The following SEMA5B variants were observed in gnomAD, a reference collection of about 807,000 sequenced individuals.
SEMA5B encodes the protein semaphorin-5B.
In SEMA5B, 66 loss-of-function variants were observed where a neutral mutation model predicts 135.0. The observed-to-expected ratio is 0.49, with a 90% confidence interval of 0.40 to 0.60. The LOEUF (loss-of-function observed/expected upper bound fraction) is 0.60. Among genes scored for constraint, SEMA5B ranks in the 20% least tolerant of loss-of-function variants. The probability of loss-of-function intolerance (pLI) is 0.00; values close to 1 mark genes in which losing one functional copy is unlikely to be tolerated. For synonymous variants in SEMA5B, 690 were observed against 639.5 expected (o/e 1.08, Z -1.19); for missense variants, 1,501 against 1,566.3 (o/e 0.96, Z 0.70).
chr3:122,912,755 G>C, intron 18 of SEMA5B, 88 bp downstream of exon 18: 1 of 1,285,258 alleles, frequency 7.8e-7, no homozygotes, highest in Non-Finnish European at 1.1e-6. Flanking sequence ...CTGGGCATTG[G>C]GGTTCCTGGG....
At chr3:123,008,618 G>C (rs1013039959) in intron 1 of SEMA5B, among the ~76,000 whole-genome samples, 7 of 152,166 alleles carry the variant, frequency 4.6e-5, no homozygotes, top group African/African-American at 1.7e-4. Flanking sequence ...TTGAGAAGAT[G>C]TCAACAATGT....
chr3:123,012,409 A>G (rs1053823501), intron 1 of SEMA5B, among the ~76,000 whole-genome samples: 1 of 152,064 alleles, frequency 6.6e-6, no homozygotes, highest in African/African-American at 2.4e-5. Flanking sequence ...GCCAAGATTC[A>G]TCCTAGGTTA....
rs532685383 is a variant in SEMA5B, at chr3:122,918,699, C to T, written c.1689-2809G>A. ...GGATACCAGATTCTTCATGGACACG[C>T]CTGCCCTGCCCCTTCCCTGGCAGCC... On this transcript the variant is annotated intron_variant, in intron 12 of 22. Coordinates refer to ENST00000357599, the MANE Select transcript of SEMA5B (RefSeq NM_001031702.4). Among the ~76,000 whole-genome samples, 25 of 152,348 alleles carry T rather than the reference C, an allele frequency of 1.6e-4. No homozygotes were observed. In the South Asian group the frequency reaches 5.2e-3, roughly 32 times the overall value.
In SEMA5B at chr3:122,926,475, C is replaced by T; in HGVS notation, c.1053G>A (p.Glu351=). ...GCAGCTCGTTATAGTAGAAGGGGAC[C>T]TCGCCCGGGCGGGAGCAGTTGAGCC... ...KARLNCSRPG[E]VPFYYNELQS... The change falls in exon 9 of 23, where the codon GAG becomes GAA. Residue 351 remains glutamate, a synonymous_variant. Transcript: ENST00000357599. 1.2e-6 allele frequency: 2 copies of T among 1,614,230 alleles called. No homozygotes were observed. The highest frequency in any genetic ancestry group is 1.7e-6 in the Non-Finnish European group (2 of 1,180,044).
At chr3:122,960,033 C>G (rs892888036) in intron 2 of SEMA5B, among the ~76,000 whole-genome samples, 1 of 152,182 alleles carries the variant, frequency 6.6e-6, no homozygotes, top group Non-Finnish European at 1.5e-5. Context: ...TGGGCAGGCT[C>G]TCTCCGTGGA....
intron 17 of SEMA5B, 29 bp downstream of exon 17, chr3:122,913,170 G>C: frequency 6.6e-7 from 1 of 1,522,996 alleles, no homozygotes; most frequent in Non-Finnish European, 8.7e-7. Flanking sequence ...CTGGGAGAGA[G>C]GAAGGAGGGG....
chr3:123,003,309 A>G (rs938909500), intron 1 of SEMA5B, among the ~76,000 whole-genome samples: 1 of 152,180 alleles, frequency 6.6e-6, no homozygotes, highest in Admixed American at 6.5e-5. Flanking sequence ...GCACCCACAC[A>G]CTATTAGTTC....
rs768670697 is a variant in SEMA5B at position 122,927,956 on chromosome 3, G to A, written c.684C>T (p.Arg228=). Residue 228 remains arginine (R), a synonymous_variant, in exon 8 of 23, where the codon CGC becomes CGT. Coordinates refer to ENST00000357599, the MANE Select transcript of SEMA5B (RefSeq NM_001031702.4). ...AGTTGTGGCGTGGGTCATAGGGGCA[G>A]CGGGCCACACCATTGATCTTCTCAA... The part of the protein sequence containing the change: ...RTIEKINGVA[R]CPYDPRHNST... 1.3e-6 allele frequency: 2 copies of A among 1,567,378 alleles called. No individual in the cohort carries two copies. Among genetic ancestry groups the A allele is most frequent in the South Asian group, 2.4e-5 (2 of 83,706 alleles).
At chr3:122,952,281 T>C (rs1940089448) in intron 2 of SEMA5B, among the ~76,000 whole-genome samples, 1 of 152,202 alleles carries the variant, frequency 6.6e-6, no homozygotes, top group South Asian at 2.1e-4. Context: ...GGTTTCGCCG[T>C]GCTGTCCATC....
chr3:122,996,143 T>C (rs1205986632), intron 1 of SEMA5B, among the ~76,000 whole-genome samples: 1 of 152,200 alleles, frequency 6.6e-6, no homozygotes, highest in Non-Finnish European at 1.5e-5. Flanking sequence ...GGGCGAAGCC[T>C]AAGAGGGTCC....
intron 2 of SEMA5B, among the ~76,000 whole-genome samples, chr3:122,956,287 C>T (rs1329836087): frequency 6.6e-6 from 1 of 152,234 alleles, no homozygotes; most frequent in Non-Finnish European, 1.5e-5. Flanking sequence ...TTTGGGGTCA[C>T]TCTTATGGTG....
At chr3:122,985,550 C>T (rs1941671909) in intron 1 of SEMA5B, among the ~76,000 whole-genome samples, 1 of 151,916 alleles carries the variant, frequency 6.6e-6, no homozygotes, top group Non-Finnish European at 1.5e-5. Context: ...TCCCCAGCAA[C>T]TCCAGCTTCT....
chr3:122,915,485 C>G lies in SEMA5B; in HGVS notation c.1943G>C (p.Gly648Ala), dbSNP rs775180135. 6.2e-7 allele frequency: 1 copy of G among 1,613,510 alleles called. No homozygotes were observed. Among genetic ancestry groups the G allele is most frequent in the Non-Finnish European group, 8.5e-7 (1 of 1,179,808 alleles). The change falls in exon 14 of 23, where the codon GGC (glycine) becomes GCC (alanine). Residue 648 changes from glycine (G) to alanine (A), a missense_variant. Gly to Ala is a moderately conservative substitution (Grantham distance 60). Around this residue, in one of 2 missense-constraint regions of SEMA5B, gnomAD observed 927 missense variants for 881.6 expected, o/e 1.05. Coordinates refer to ENST00000357599, the MANE Select transcript of SEMA5B (RefSeq NM_001031702.4). ...GATGGCTGGCCCCAGGCAGTCAAGGCCCCCACAGCGGGGTCGAGGGGAATC... is the reference window on the plus strand; with the variant it reads ...GATGGCTGGCCCCAGGCAGTCAAGGGCCCCACAGCGGGGTCGAGGGGAATC... ...SCDSPRPRCG[G>A]LDCLGPAIHI...
intron 5 of SEMA5B, among the ~76,000 whole-genome samples, chr3:122,936,260 G>A (rs1157825855): frequency 6.6e-6 from 1 of 152,196 alleles, no homozygotes; most frequent in Non-Finnish European, 1.5e-5. Flanking sequence ...ACCCAGGGAC[G>A]TGGATCATCT....
chr3:123,027,888 G>C (rs1028827643), upstream of SEMA5B: 6 of 151,996 alleles, frequency 3.9e-5, no homozygotes, highest in African/African-American at 1.4e-4. Context: ...CGCGGCGGGC[G>C]CTGCACCCGC....
At chr3:122,999,426 T>G (rs1034071991) in intron 1 of SEMA5B, among the ~76,000 whole-genome samples, 6 of 152,092 alleles carry the variant, frequency 3.9e-5, no homozygotes, top group Non-Finnish European at 7.4e-5. Context: ...GGTTTCCCCA[T>G]GCTGGCCAGG....
intron 1 of SEMA5B, among the ~76,000 whole-genome samples, chr3:123,019,255 T>C (rs1942624822): frequency 6.6e-6 from 1 of 152,202 alleles, no homozygotes. Flanking sequence ...GGGCAAATCA[T>C]TTTATTTCTC....
intron 5 of SEMA5B, among the ~76,000 whole-genome samples, chr3:122,936,664 G>T (rs1939300229): frequency 1.3e-5 from 2 of 152,176 alleles, no homozygotes; most frequent in Admixed American, 6.5e-5. Flanking sequence ...TCATCATGCT[G>T]GTCCTCTCAG....
intron 15 of SEMA5B, 40 bp downstream of exon 15, chr3:122,913,817 CG>C: frequency 6.4e-7 from 1 of 1,568,994 alleles, no homozygotes; most frequent in Non-Finnish European, 8.7e-7. Context: ...CTGGGGGGCC[CG>C]GTTAGTCTGG....
Sources: gnomAD v4.1 joint callset for allele counts (sites outside exome capture counted in the v4.1 genomes callset) on GRCh38, gnomAD v4.1.1 for gene constraint, gnomAD v4.1.1 regional missense constraint, MANE v1.5 for transcripts, NCBI Gene and HGNC (gene_info 2026-07-23, HGNC 2026-07-21) for gene names.